MFSD2A: variants seen among roughly 807,000 people sequenced by gnomAD.
MFSD2A encodes sodium-dependent lysophosphatidylcholine symporter 1.
Under a neutral mutation model 64.7 loss-of-function variants are expected in MFSD2A, and 27 were observed. The ratio of observed to expected loss-of-function variants is 0.42; its 90% CI spans 0.31 to 0.58. MFSD2A has a LOEUF of 0.58. Ranked by LOEUF, MFSD2A falls within the 20% of genes least tolerant of loss-of-function variation. MFSD2A has a pLI of 0.18. For missense variants in MFSD2A, 474 were observed against 679.5 expected (o/e 0.70, Z 3.36); for synonymous variants, 258 against 273.4 (o/e 0.94, Z 0.55).
At position 39,965,550 on chromosome 1, in the gene MFSD2A, G is replaced by C; in HGVS notation, c.556+1G>C. On this transcript the variant is annotated splice_donor_variant, in intron 5 of 13. Coordinates refer to ENST00000372811, the MANE Select transcript of MFSD2A (RefSeq NM_032793.5). LOFTEE classifies it high-confidence loss of function. The surrounding 1 kb of genome is among the most constrained non-coding windows in gnomAD (Gnocchi z 5.5). ...GAGCGGGATTCTGCCACCGCCTATC[G>C]TGAGTCTCCCCAGCCCACCTGACCC... 6.2e-7 allele frequency: 1 copy of C among 1,613,988 alleles called. No individual in the cohort carries two copies. Among genetic ancestry groups the C allele is most frequent in the Non-Finnish European group, 8.5e-7 (1 of 1,179,970 alleles).
rs1423498165 is a variant in MFSD2A at position 39,965,230 on chromosome 1, C to T, written c.373C>T (p.Leu125=). 2 of 1,614,206 alleles carry T rather than the reference C, an allele frequency of 1.2e-6. No individual in the cohort carries two copies. The highest frequency in any genetic ancestry group is 1.1e-5 in the South Asian group (1 of 91,088). The stretch of plus-strand genomic sequence containing the variant: ...CCTCAGGATCATCTTCTCCACGCCC[C>T]TGGCCGTCATTGCCTACTTCCTCAT... The part of the protein sequence containing the change: ...LMPWIIFSTP[L]AVIAYFLIWF... The change falls in exon 4 of 14, where the codon CTG becomes TTG. Residue 125 remains leucine, a synonymous_variant. Coordinates refer to ENST00000372811, the MANE Select transcript of MFSD2A (RefSeq NM_032793.5). The surrounding 1 kb of genome is among the most constrained non-coding windows in gnomAD (Gnocchi z 5.5).
At chr1:39,967,315 C>T in intron 9 of MFSD2A, 146 bp downstream of exon 9, 1 of 754,684 alleles carries the variant, frequency 1.3e-6, no homozygotes, top group Non-Finnish European at 2.2e-6. Flanking sequence ...TTTGGTTGGA[C>T]CTTGCGAAGG....
At chr1:39,967,594 G>T (rs1055156761) in intron 9 of MFSD2A, 34 bp from the exon 10 acceptor site, 3 of 1,602,544 alleles carry the variant, frequency 1.9e-6, no homozygotes, top group African/African-American at 2.7e-5. Context: ...TGGCTCTAAA[G>T]CACCTCCCTT....
At position 39,968,814 on chromosome 1, in the gene MFSD2A, C is replaced by T; in HGVS notation, c.1529+69C>T. The T allele has an allele frequency of 6.4e-7, 1 of 1,566,636 alleles. No homozygotes were observed. On this transcript the variant is annotated intron_variant, in intron 13 of 13. Transcript: ENST00000372811. The surrounding 1 kb of genome is among the most constrained non-coding windows in gnomAD (Gnocchi z 4.4). ...GTGTCTAAACCCTCAATTTGTGTCT[C>T]CTGTGGCCAAGTCCAGACTCACCCC...
rs1645138140 is a variant in MFSD2A, at chr1:39,965,461, T to C, written c.478-10T>C. ...CGCCTGACCAGCCAATGACCTGTCT[T>C]CTATGCCAGTGTTTCCATGTTCCCT... On this transcript the variant is annotated splice_polypyrimidine_tract_variant and intron_variant, in intron 4 of 13. Transcript: ENST00000372811. The surrounding 1 kb of genome is among the most constrained non-coding windows in gnomAD (Gnocchi z 5.5). 2 of 1,613,944 alleles carry C rather than the reference T, an allele frequency of 1.2e-6. No homozygotes were observed. The highest frequency in any genetic ancestry group is 4.5e-5 in the East Asian group (2 of 44,882).
chr1:39,958,567 A>C lies in MFSD2A; in HGVS notation c.229-134A>C. Reference sequence around the variant, plus strand: ...TTAACAAGGCAAGTGAAGATGTGTAAGGTCCATGTGGGAGCAGCTCAGGGT... The same window carrying C: ...TTAACAAGGCAAGTGAAGATGTGTACGGTCCATGTGGGAGCAGCTCAGGGT... On this transcript the variant is annotated intron_variant, in intron 2 of 13. Transcript: ENST00000372811. This position sits in a 1 kb window ranked among gnomAD's most constrained non-coding sequence, Gnocchi z 4.7. 7.5e-7 allele frequency: 1 copy of C among 1,339,532 alleles called. No homozygotes were observed. The highest frequency in any genetic ancestry group is 1.1e-6 in the Non-Finnish European group (1 of 940,558). 83.0% of individuals were successfully genotyped at this position (1,339,532 alleles called of 1,614,324 possible). A position where few individuals can be genotyped will look rare whatever the true frequency, so the allele number is the denominator to read the frequency against.
Position 39,960,508 on chromosome 1 carries a change from C to T in MFSD2A, c.353+1683C>T, listed in dbSNP as rs566636490. Among the ~76,000 whole-genome samples the T allele has an allele frequency of 1.2e-3, 186 of 152,372 alleles. 1 individual carries two copies. Among genetic ancestry groups the T allele is most frequent in the African/African-American group, 4.1e-3 (170 of 41,596 alleles). On this transcript the variant is annotated intron_variant, in intron 3 of 13. Coordinates refer to ENST00000372811, the MANE Select transcript of MFSD2A (RefSeq NM_032793.5). This position sits in a 1 kb window ranked among gnomAD's most constrained non-coding sequence, Gnocchi z 4.8. The stretch of plus-strand genomic sequence containing the variant: ...GCTCAGGGCTCCCCCGGCGCCAGCC[C>T]GTGAGACTTGGCCCTGTGCCCGCCT...
chr1:39,969,459 G>T, intron 13 of MFSD2A, 46 bp from the exon 14 acceptor site: 1 of 1,559,404 alleles, frequency 6.4e-7, no homozygotes. Context: ...CTGAGGAGGG[G>T]TAAGGATGGA....
chr1:39,966,585 C>A lies in MFSD2A; in HGVS notation c.715-16C>A. The A allele has an allele frequency of 6.2e-7, 1 of 1,602,544 alleles. No homozygotes were observed. The highest frequency in any genetic ancestry group is 1.1e-5 in the South Asian group (1 of 89,434). Reference sequence around the variant, plus strand: ...CAAACTGACCATCCTTGTATGTCGCCTTCACCTCCTTATAGCAAAAGGCAT... The same window carrying A: ...CAAACTGACCATCCTTGTATGTCGCATTCACCTCCTTATAGCAAAAGGCAT... On this transcript the variant is annotated splice_polypyrimidine_tract_variant and intron_variant, in intron 6 of 13. Coordinates refer to ENST00000372811, the MANE Select transcript of MFSD2A (RefSeq NM_032793.5).
In MFSD2A at chr1:39,968,310, C is replaced by T. The variant is rs1324934592; in HGVS notation, c.1209-24C>T. On this transcript the variant is annotated intron_variant, in intron 11 of 13. Transcript: ENST00000372811. The surrounding 1 kb of genome is among the most constrained non-coding windows in gnomAD (Gnocchi z 4.4). Reference sequence around the variant, plus strand: ...GAGGCCCGTTAGGTGGGTCAGTCCTCATGGCTGTCACTACTCTGCGCAGGT... The same window carrying T: ...GAGGCCCGTTAGGTGGGTCAGTCCTTATGGCTGTCACTACTCTGCGCAGGT... The T allele has an allele frequency of 2.5e-6, 4 of 1,614,092 alleles. 1 individual carries two copies. In the South Asian group the frequency reaches 4.4e-5, roughly 18 times the overall value.
chr1:39,963,001 G>A lies in MFSD2A; in HGVS notation c.354-2210G>A, dbSNP rs573631619. The A allele has an allele frequency of 1.4e-4, 203 of 1,502,472 alleles. 1 individual carries two copies. The East Asian group carries it at 4.2e-3, about 31-fold the overall frequency. The allele number at this position is 1,502,472 out of a possible 1,614,324, so 93.1% of individuals were successfully genotyped here. ...TCCAAGGAGGTGGCCACCGCCATCC[G>A]TGGGGCCATCATCCTGGCCAAGCTC... On this transcript the variant is annotated intron_variant, in intron 3 of 13. Coordinates refer to ENST00000372811, the MANE Select transcript of MFSD2A (RefSeq NM_032793.5). The surrounding 1 kb of genome is among the most constrained non-coding windows in gnomAD (Gnocchi z 4.2).
chr1:39,966,577 T>C lies in MFSD2A; in HGVS notation c.715-24T>C, dbSNP rs754079192. Reference sequence around the variant, plus strand: ...GATGAGCTCAAACTGACCATCCTTGTATGTCGCCTTCACCTCCTTATAGCA... The same window carrying C: ...GATGAGCTCAAACTGACCATCCTTGCATGTCGCCTTCACCTCCTTATAGCA... On this transcript the variant is annotated intron_variant, in intron 6 of 13. Transcript: ENST00000372811. The C allele has an allele frequency of 4.4e-6, 7 of 1,592,356 alleles. No individual in the cohort carries two copies. In the African/African-American group the frequency reaches 9.4e-5, roughly 21 times the overall value.
Position 39,966,796 on chromosome 1 carries a change from C to T in MFSD2A, c.806-15C>T, listed in dbSNP as rs149937233. On this transcript the variant is annotated splice_polypyrimidine_tract_variant and intron_variant, in intron 7 of 13. Transcript: ENST00000372811. ...GGGTCTCTGCTCCTTCCTCACTGTC[C>T]GCTCTGGCCCCCAGAACCCTATGAA... 19,466 of 1,614,072 alleles carry T rather than the reference C, an allele frequency of 0.012. 201 individuals are homozygous for T. Among genetic ancestry groups the T allele is most frequent in the Middle Eastern group, 0.04 (243 of 6,062 alleles).
At chr1:39,961,614 T>G (rs1331469769) in intron 3 of MFSD2A, among the ~76,000 whole-genome samples, 2 of 152,148 alleles carry the variant, frequency 1.3e-5, no homozygotes, top group Non-Finnish European at 2.9e-5. Flanking sequence ...CCCAAAGTGC[T>G]GGGATTACAG....
chr1:39,965,459 C>T lies in MFSD2A; in HGVS notation c.478-12C>T. ...CCCGCCTGACCAGCCAATGACCTGT[C>T]TTCTATGCCAGTGTTTCCATGTTCC... On this transcript the variant is annotated splice_polypyrimidine_tract_variant and intron_variant, in intron 4 of 13. Coordinates refer to ENST00000372811, the MANE Select transcript of MFSD2A (RefSeq NM_032793.5). The surrounding 1 kb of genome is among the most constrained non-coding windows in gnomAD (Gnocchi z 5.5). The T allele has an allele frequency of 6.2e-7, 1 of 1,614,046 alleles. No individual in the cohort carries two copies. The highest frequency in any genetic ancestry group is 8.5e-7 in the Non-Finnish European group (1 of 1,179,972).
chr1:39,959,438 A>C (rs1212719017), intron 3 of MFSD2A, among the ~76,000 whole-genome samples: 1 of 151,778 alleles, frequency 6.6e-6, no homozygotes, highest in Non-Finnish European at 1.5e-5. Flanking sequence ...TTATTTGTAG[A>C]GACAGCGTCT....
At position 39,968,833 on chromosome 1, in the gene MFSD2A, TCACCCCCC is replaced by T; in HGVS notation, c.1529+89_1529+96del. ...GTGTCTCCTGTGGCCAAGTCCAGAC[TCACCCCCC>T]ACACATCTTCTCTGGACAGCTGTAA... On this transcript the variant is annotated intron_variant, in intron 13 of 13. Transcript: ENST00000372811. This position sits in a 1 kb window ranked among gnomAD's most constrained non-coding sequence, Gnocchi z 4.4. The T allele has an allele frequency of 5.6e-6, 8 of 1,426,660 alleles. No homozygotes were observed. Among genetic ancestry groups the T allele is most frequent in the South Asian group, 3.7e-5 (3 of 80,788 alleles). The allele number at this position is 1,426,660 out of a possible 1,614,324, so 88.4% of individuals were successfully genotyped here.
rs1403030286 is a variant in MFSD2A at position 39,966,930 on chromosome 1, A to G, written c.925A>G (p.Met309Val). 6.2e-7 allele frequency: 1 copy of G among 1,613,188 alleles called. No homozygotes were observed. The highest frequency in any genetic ancestry group is 1.1e-5 in the South Asian group (1 of 91,086). ...CTTCCTCTTCACCTCCTTGGCTTTC[A>G]TGGTGAGTGGGTTCTGACATGCTCA... Reference protein sequence around the residue: ...TGFLFTSLAFMLVEGNFVLFC... With the variant: ...TGFLFTSLAFVLVEGNFVLFC... The change falls in exon 8 of 14, where the codon ATG becomes GTG. Residue 309 changes from methionine to valine, a missense_variant and splice_region_variant. Coordinates refer to ENST00000372811, the MANE Select transcript of MFSD2A (RefSeq NM_032793.5).
chr1:39,965,280 C>G lies in MFSD2A; in HGVS notation c.423C>G (p.His141Gln). ...FLIWFVPDFPHGQTYWYLLFY... is the reference protein window; with the variant it reads ...FLIWFVPDFPQGQTYWYLLFY... ...TCTGGTTCGTGCCCGACTTCCCACACGGCCAGACCTATTGGTACCTGCTTT... is the reference window on the plus strand; with the variant it reads ...TCTGGTTCGTGCCCGACTTCCCACAGGGCCAGACCTATTGGTACCTGCTTT... The change falls in exon 4 of 14, where the codon CAC becomes CAG. Residue 141 changes from histidine to glutamine, a missense_variant. By Grantham distance (24) the His-to-Gln change is conservative. Coordinates refer to ENST00000372811, the MANE Select transcript of MFSD2A (RefSeq NM_032793.5). This position sits in a 1 kb window ranked among gnomAD's most constrained non-coding sequence, Gnocchi z 5.5. The G allele has an allele frequency of 6.2e-7, 1 of 1,614,150 alleles. No individual in the cohort carries two copies. The highest frequency in any genetic ancestry group is 8.5e-7 in the Non-Finnish European group (1 of 1,180,010).
Sources: gnomAD v4.1 joint callset for allele counts (sites outside exome capture counted in the v4.1 genomes callset) on GRCh38, gnomAD v4.1.1 for gene constraint, Gnocchi (gnomAD v3.1) non-coding constraint, MANE v1.5 for transcripts, NCBI Gene and HGNC (gene_info 2026-07-23, HGNC 2026-07-21) for gene names.